Variants in MYOM2 observed in about 807,000 individuals in gnomAD.
The protein encoded by MYOM2 is myomesin-2.
Under a neutral mutation model 187.6 loss-of-function variants are expected in MYOM2, and 254 were observed. That is an observed-to-expected ratio of 1.35 (90% confidence interval 1.22 to 1.50). MYOM2 has a LOEUF of 1.50. Ranked by LOEUF, MYOM2 falls within the 40% of genes most tolerant of loss-of-function variation. The pLI, the probability that MYOM2 is intolerant of heterozygous loss-of-function variation, is 0.00. For missense variants in MYOM2, 2,796 were observed against 1,924.0 expected (o/e 1.45, Z -8.48); for synonymous variants, 981 against 753.8 (o/e 1.30, Z -4.94).
intron 1 of MYOM2, among the ~76,000 whole-genome samples, chr8:2,049,750 G>A (rs752721165): frequency 2.6e-5 from 4 of 152,200 alleles, no homozygotes; most frequent in African/African-American, 9.6e-5. Context: ...CGGTCCCTAC[G>A]TAACTTTGCC....
rs1257987694 is a variant in MYOM2 at position 2,122,979 on chromosome 8, GC to G, written c.3454-271del. 1.5e-4 allele frequency among the ~76,000 whole-genome samples: 10 copies of G among 68,510 alleles called. No homozygotes were observed. In the East Asian group the frequency reaches 4.8e-3, roughly 33 times the overall value. 44.9% of individuals were successfully genotyped at this position (68,510 alleles called of 152,430 possible). On this transcript the variant is annotated intron_variant, in intron 28 of 36. Coordinates refer to ENST00000262113, the MANE Select transcript of MYOM2 (RefSeq NM_003970.4). ...TTCATATAGACCAAAAGATCTTTAT[GC>G]CTAGTCTAATTTCATGGACTAGAAT...
intron 6 of MYOM2, among the ~76,000 whole-genome samples, chr8:2,060,694 C>T (rs1345343393): frequency 6.6e-6 from 1 of 152,194 alleles, no homozygotes; most frequent in African/African-American, 2.4e-5. Flanking sequence ...GTTGATTGAT[C>T]ATCCTGCCTC....
Position 2,096,147 on chromosome 8 carries a change from C to T in MYOM2, c.2126-100C>T, listed in dbSNP as rs77909501. 8,602 of 1,150,432 alleles carry T rather than the reference C, an allele frequency of 7.5e-3. 306 individuals carry two copies. In the African/African-American group the frequency reaches 0.075, roughly 10 times the overall value. 71.3% of individuals were successfully genotyped at this position (1,150,432 alleles called of 1,614,324 possible). ...GGCACAGTGTTCAGGCCCGTCTCCA[C>T]GTTGCTTCCTCCTCCCTCTGCCACA... On this transcript the variant is annotated intron_variant, in intron 17 of 36. Transcript: ENST00000262113.
At chr8:2,132,492 T>G (rs565999219) in intron 32 of MYOM2, among the ~76,000 whole-genome samples, 59 of 152,336 alleles carry the variant, frequency 3.9e-4, no homozygotes, top group African/African-American at 1.4e-3. Context: ...TAATATATCA[T>G]CTAGACATGG....
chr8:2,095,581 C>T (rs933926109), intron 17 of MYOM2, among the ~76,000 whole-genome samples: 5 of 152,124 alleles, frequency 3.3e-5, no homozygotes, highest in Admixed American at 2.0e-4. Context: ...CATGAGCCAC[C>T]GCACCTGGCC....
chr8:2,052,834 GT>G (rs1159598425), intron 3 of MYOM2, among the ~76,000 whole-genome samples: 1 of 152,242 alleles, frequency 6.6e-6, no homozygotes, highest in Non-Finnish European at 1.5e-5. Context: ...GTTTTAAACA[GT>G]TGTCGTGTGG....
chr8:2,093,229 A>C (rs1163950109), intron 16 of MYOM2, among the ~76,000 whole-genome samples: 1 of 152,244 alleles, frequency 6.6e-6, no homozygotes, highest in Non-Finnish European at 1.5e-5. Flanking sequence ...AAGAGATGTC[A>C]TTGAAAAGAA....
chr8:2,051,830 G>A lies in MYOM2; in HGVS notation c.108-328G>A, dbSNP rs534221659. On this transcript the variant is annotated intron_variant, in intron 2 of 36. Coordinates refer to ENST00000262113, the MANE Select transcript of MYOM2 (RefSeq NM_003970.4). ...TGGGTTTGCCTGTGTGCAAGTGTGT[G>A]TACACTTGTGTAGGTTTGTTTATGT... 2.0e-5 allele frequency among the ~76,000 whole-genome samples: 3 copies of A among 152,274 alleles called. No homozygotes were observed. In the South Asian group the frequency reaches 6.2e-4, roughly 32 times the overall value.
intron 25 of MYOM2, among the ~76,000 whole-genome samples, chr8:2,115,554 AGT>A (rs1797212194): frequency 6.6e-6 from 1 of 152,220 alleles, no homozygotes; most frequent in East Asian, 1.9e-4. Flanking sequence ...TGAAGATGAC[AGT>A]GGCTGTGGAG....
rs1416181787 is a variant in MYOM2, at chr8:2,100,125, C to T, written c.2441-751C>T. The stretch of plus-strand genomic sequence containing the variant: ...CCTTCCTTCTTTCTTTCCTTCCTTC[C>T]TTCTTTCCTTCCTTCCTTCCTTCCT... On this transcript the variant is annotated intron_variant, in intron 19 of 36. Coordinates refer to ENST00000262113, the MANE Select transcript of MYOM2 (RefSeq NM_003970.4). Among the ~76,000 whole-genome samples the T allele has an allele frequency of 3.9e-3, 197 of 50,072 alleles. 1 individual carries two copies. The highest frequency in any genetic ancestry group is 0.013 in the Middle Eastern group (1 of 78). 32.8% of individuals were successfully genotyped at this position (50,072 alleles called of 152,430 possible). A position where few individuals can be genotyped will look rare whatever the true frequency, so the allele number is the denominator to read the frequency against.
chr8:2,109,487 A>T lies in MYOM2; in HGVS notation c.3136A>T (p.Ser1046Cys). ...GGCTGAGCACTTATCACCAGATGCC[A>T]GCTACCGATTTATTATTAACGACAG... ...LQAEHLSPDA[S>C]YRFIINDREV... The change falls in exon 25 of 37, where the codon AGC (serine) becomes TGC (cysteine). Residue 1046 changes from serine to cysteine, a missense_variant. By Grantham distance (112) the Ser-to-Cys change is moderately radical. Transcript: ENST00000262113. 1 of 1,613,494 alleles carries T rather than the reference A, an allele frequency of 6.2e-7. No homozygotes were observed. Among genetic ancestry groups the T allele is most frequent in the Non-Finnish European group, 8.5e-7 (1 of 1,179,710 alleles).
At chr8:2,074,127 A>T (rs1819332925) in intron 10 of MYOM2, among the ~76,000 whole-genome samples, 1 of 152,232 alleles carries the variant, frequency 6.6e-6, no homozygotes, top group Non-Finnish European at 1.5e-5. Context: ...TATGAAAAGA[A>T]AGACAATATT....
chr8:2,051,413 T>C (rs1818480920), intron 2 of MYOM2, among the ~76,000 whole-genome samples: 1 of 152,108 alleles, frequency 6.6e-6, no homozygotes, highest in Non-Finnish European at 1.5e-5. Flanking sequence ...CACGCCCCCA[T>C]GGACACTGTT....
At chr8:2,108,196 A>C (rs1480650307) in intron 23 of MYOM2, among the ~76,000 whole-genome samples, 4 of 151,956 alleles carry the variant, frequency 2.6e-5, no homozygotes, top group African/African-American at 9.7e-5. Context: ...TAGAGCCCAG[A>C]TTTTCTTACC....
In MYOM2 at chr8:2,115,332, C is replaced by G. The variant is rs188269393; in HGVS notation, c.3181-628C>G. 7.9e-5 allele frequency among the ~76,000 whole-genome samples: 12 copies of G among 152,334 alleles called. No individual in the cohort carries two copies. The East Asian group carries it at 2.1e-3, about 27-fold the overall frequency. ...TCAATTCATCTGTGTGTTAGAGAAA[C>G]ACTTGTTCTTTGACTTGTAGGATTA... On this transcript the variant is annotated intron_variant, in intron 25 of 36. Coordinates refer to ENST00000262113, the MANE Select transcript of MYOM2 (RefSeq NM_003970.4).
intron 13 of MYOM2, chr8:2,082,112 C>G (rs753722693): frequency 6.6e-6 from 1 of 152,188 alleles, no homozygotes; most frequent in African/African-American, 2.4e-5. Context: ...TCAGCCTCCC[C>G]GGCTTCAGTT....
intron 25 of MYOM2, among the ~76,000 whole-genome samples, chr8:2,115,150 A>T (rs748180079): frequency 2.3e-4 from 32 of 137,644 alleles, no homozygotes; most frequent in Non-Finnish European, 4.5e-4. Context: ...CAAGCCCCCA[A>T]ATAAGGCAAC....
chr8:2,070,617 G>T (rs1819181809), intron 8 of MYOM2, among the ~76,000 whole-genome samples: 1 of 130,054 alleles, frequency 7.7e-6, no homozygotes, highest in Non-Finnish European at 1.8e-5. Context: ...CCATCCCGGG[G>T]TTTCTCCTAT....
At chr8:2,114,893 G>A (rs1231700655) in intron 25 of MYOM2, among the ~76,000 whole-genome samples, 1 of 152,048 alleles carries the variant, frequency 6.6e-6, no homozygotes, top group Admixed American at 6.6e-5. Flanking sequence ...TTTATATACT[G>A]CTACACAGGA....
Sources: gnomAD v4.1 joint callset for allele counts (sites outside exome capture counted in the v4.1 genomes callset) on GRCh38, gnomAD v4.1.1 for gene constraint, MANE v1.5 for transcripts, NCBI Gene and HGNC (gene_info 2026-07-23, HGNC 2026-07-21) for gene names.